WASF1: variants seen among roughly 807,000 people sequenced by gnomAD.
The protein encoded by WASF1 is actin-binding protein WASF1.
Under a neutral mutation model 50.5 loss-of-function variants are expected in WASF1, and 7 were observed. The observed-to-expected ratio is 0.14, with a 90% CI of 0.08 to 0.26. The LOEUF (loss-of-function observed/expected upper bound fraction) is 0.26, where lower values mean the gene tolerates loss of function less well. Ranked by LOEUF, WASF1 falls within the 10% of genes least tolerant of loss-of-function variation. WASF1 has a pLI of 1.00. For synonymous variants in WASF1, 205 were observed against 244.0 expected (o/e 0.84, Z 1.49); for missense variants, 470 against 694.7 (o/e 0.68, Z 3.64).
chr6:110,159,065 C>CCTT (rs1356003985), intron 3 of WASF1, among the ~76,000 whole-genome samples: 13 of 151,814 alleles, frequency 8.6e-5, no homozygotes, highest in Non-Finnish European at 1.8e-4. Flanking sequence ...CCATAAGCTC[C>CCTT]CTGAAGACAG....
intron 2 of WASF1, among the ~76,000 whole-genome samples, chr6:110,170,145 G>A (rs557616124): frequency 1.4e-4 from 22 of 152,104 alleles, no homozygotes; most frequent in Non-Finnish European, 2.8e-4. Context: ...AAGTATAATT[G>A]ATATGCTAAG....
intron 3 of WASF1, among the ~76,000 whole-genome samples, chr6:110,142,939 T>A (rs1471043965): frequency 8.2e-6 from 1 of 121,298 alleles, no homozygotes; most frequent in African/African-American, 3.5e-5. Context: ...AGTAATTTGG[T>A]TTCCCAATGA....
At chr6:110,108,272 T>C (rs1054769210) in intron 6 of WASF1, among the ~76,000 whole-genome samples, 1 of 152,082 alleles carries the variant, frequency 6.6e-6, no homozygotes, top group African/African-American at 2.4e-5. Flanking sequence ...ACTCCTTATC[T>C]CTTTACATTA....
chr6:110,114,489 C>T (rs536515984), intron 4 of WASF1, among the ~76,000 whole-genome samples: 8 of 152,180 alleles, frequency 5.3e-5, no homozygotes, highest in South Asian at 4.1e-4. Context: ...GTACTTTTTG[C>T]GAATACCTTT....
chr6:110,162,477 A>G (rs1017979573), intron 2 of WASF1, among the ~76,000 whole-genome samples: 9 of 151,236 alleles, frequency 6.0e-5, no homozygotes, highest in Non-Finnish European at 1.3e-4. Context: ...CTAAAGGCCA[A>G]TATCTCTCAT....
At chr6:110,110,180 A>G (rs1311011652) in intron 5 of WASF1, among the ~76,000 whole-genome samples, 2 of 152,260 alleles carry the variant, frequency 1.3e-5, no homozygotes, top group Non-Finnish European at 2.9e-5. Flanking sequence ...AATCTTTACA[A>G]TTCAGTAAGA....
chr6:110,105,700 G>T, intron 7 of WASF1, 121 bp from the exon 8 acceptor site: 1 of 936,420 alleles, frequency 1.1e-6, no homozygotes, highest in African/African-American at 1.7e-5. Flanking sequence ...TCATAATATA[G>T]TAAAAGTAAC....
chr6:110,129,453 G>C (rs1774563920), intron 3 of WASF1, among the ~76,000 whole-genome samples: 1 of 152,168 alleles, frequency 6.6e-6, no homozygotes, highest in South Asian at 2.1e-4. Flanking sequence ...ACTTAGCGAA[G>C]GCAAACCTAC....
At chr6:110,170,623 GTGAA>G (rs1331305714) in intron 2 of WASF1, among the ~76,000 whole-genome samples, 2 of 151,928 alleles carry the variant, frequency 1.3e-5, no homozygotes, top group African/African-American at 2.4e-5. Flanking sequence ...CACTTTAAAT[GTGAA>G]TGGTCTAAAT....
chr6:110,142,722 A>G (rs538435286), intron 3 of WASF1, among the ~76,000 whole-genome samples: 2 of 152,226 alleles, frequency 1.3e-5, no homozygotes, highest in East Asian at 3.9e-4. Flanking sequence ...TATTTTTAAT[A>G]CTGCAAATGA....
intron 3 of WASF1, among the ~76,000 whole-genome samples, chr6:110,130,858 C>A (rs1197072055): frequency 1.3e-5 from 2 of 152,240 alleles, no homozygotes; most frequent in Non-Finnish European, 2.9e-5. Context: ...TAACACTTGA[C>A]ACTGTCAGTT....
intron 3 of WASF1, among the ~76,000 whole-genome samples, chr6:110,159,202 T>G (rs1370587122): frequency 6.6e-6 from 1 of 151,860 alleles, no homozygotes; most frequent in East Asian, 1.9e-4. Context: ...GAAGGCAAAT[T>G]CGGTAGATGC....
At chr6:110,152,387 CTCCTT>C (rs1311124815) in intron 3 of WASF1, among the ~76,000 whole-genome samples, 1 of 152,168 alleles carries the variant, frequency 6.6e-6, no homozygotes, top group Admixed American at 6.5e-5. Flanking sequence ...GTTAACTACT[CTCCTT>C]AAGTTGGGAT....
At chr6:110,122,023 C>G (rs911863545) in intron 4 of WASF1, among the ~76,000 whole-genome samples, 1 of 144,720 alleles carries the variant, frequency 6.9e-6, no homozygotes, top group African/African-American at 2.6e-5. Flanking sequence ...ATCACATACC[C>G]GGGTCTGTCG....
At chr6:110,147,548 T>C (rs1389209556) in intron 3 of WASF1, among the ~76,000 whole-genome samples, 2 of 152,150 alleles carry the variant, frequency 1.3e-5, no homozygotes, top group East Asian at 3.8e-4. Flanking sequence ...AAATAATCAA[T>C]AGTATTATAC....
intron 3 of WASF1, among the ~76,000 whole-genome samples, chr6:110,131,657 C>A (rs1254487112): frequency 1.3e-5 from 2 of 152,082 alleles, no homozygotes; most frequent in African/African-American, 4.8e-5. Context: ...ACAGGTGCCA[C>A]AACACCCGGC....
chr6:110,114,189 T>C (rs1773691873), intron 4 of WASF1, among the ~76,000 whole-genome samples: 1 of 152,246 alleles, frequency 6.6e-6, no homozygotes, highest in Admixed American at 6.5e-5. Flanking sequence ...TAATCTCTCA[T>C]GGTTCTTGTG....
intron 3 of WASF1, among the ~76,000 whole-genome samples, chr6:110,135,876 CTTTTTTTTTT>C (rs778710982): frequency 1.3e-4 from 9 of 68,308 alleles, no homozygotes; most frequent in Admixed American, 1.2e-3. Context: ...AGTCCATTAT[CTTTTTTTTTT>C]TTTTTTTTTT....
chr6:110,161,502 G>A (rs541619741), intron 2 of WASF1, among the ~76,000 whole-genome samples: 5 of 151,520 alleles, frequency 3.3e-5, no homozygotes, highest in Admixed American at 6.6e-5. Flanking sequence ...TCAGTTAAGA[G>A]TACCTTATTT....
Sources: allele counts gnomAD v4.1 joint callset (sites outside exome capture counted in the v4.1 genomes callset), GRCh38; gene constraint gnomAD v4.1.1; transcripts MANE v1.5; gene names NCBI Gene and HGNC (gene_info 2026-07-23, HGNC 2026-07-21).